The following RTL4 variants were observed in gnomAD, a reference collection of about 807,000 sequenced individuals.
RTL4 encodes retrotransposon Gag-like protein 4.
RTL4 carries 4 observed loss-of-function variants against 5.3 expected under a neutral mutation model. The ratio of observed to expected loss-of-function variants is 0.75; its 90% CI spans 0.37 to 1.72. RTL4 has a LOEUF of 1.72. Among genes scored for constraint, RTL4 ranks in the 40% most tolerant of loss-of-function variants. The probability of loss-of-function intolerance (pLI) is 0.04; values close to 1 mark genes in which losing one functional copy is unlikely to be tolerated. For missense variants in RTL4, 260 were observed against 227.1 expected (o/e 1.14, Z -0.93); for synonymous variants, 98 against 87.3 (o/e 1.12, Z -0.68).
chrX:112,151,277 A>G, the RTL4 span, among the ~76,000 whole-genome samples: 5 of 111,809 alleles, frequency 4.5e-5, no homozygotes, highest in Non-Finnish European at 9.4e-5. Context: ...TTTTGTGCAT[A>G]TATTTAAGCC....
the RTL4 span, among the ~76,000 whole-genome samples, chrX:112,212,817 T>C: frequency 8.9e-6 from 1 of 112,220 alleles, no homozygotes; most frequent in Non-Finnish European, 1.9e-5. Flanking sequence ...TCTTTCCAAG[T>C]TCAACCAAGA....
the RTL4 span, among the ~76,000 whole-genome samples, chrX:112,227,168 T>C: frequency 9.0e-6 from 1 of 110,748 alleles, no homozygotes; most frequent in African/African-American, 3.3e-5. Context: ...AGAAGTTAAG[T>C]CTTTAGTTGA....
At chrX:112,180,575 CTAGT>C in the RTL4 span, among the ~76,000 whole-genome samples, 1 of 111,792 alleles carries the variant, frequency 8.9e-6, no homozygotes, top group Non-Finnish European at 1.9e-5. Context: ...ATTTAAATAA[CTAGT>C]TAATGTGCGT....
the RTL4 span, among the ~76,000 whole-genome samples, chrX:112,182,925 G>A: frequency 2.7e-5 from 3 of 111,936 alleles, no homozygotes; most frequent in Non-Finnish European, 5.6e-5. Flanking sequence ...GAAAGGTTGG[G>A]TTATCCACAA....
At chrX:112,179,552 T>C in the RTL4 span, among the ~76,000 whole-genome samples, 1 of 111,895 alleles carries the variant, frequency 8.9e-6, no homozygotes, top group African/African-American at 3.2e-5. Context: ...GTTTCTGCTG[T>C]AGATCTTAGA....
the RTL4 span, among the ~76,000 whole-genome samples, chrX:112,220,510 C>T: frequency 4.4e-5 from 5 of 112,902 alleles, no homozygotes; most frequent in East Asian, 1.4e-3. Flanking sequence ...ACATTTTCCC[C>T]ATTATCCTGG....
the RTL4 span, among the ~76,000 whole-genome samples, chrX:112,444,454 G>A: frequency 9.0e-6 from 1 of 111,642 alleles, no homozygotes; most frequent in Admixed American, 9.5e-5. Flanking sequence ...GTAAAATTTA[G>A]GATTACTATT....
the RTL4 span, among the ~76,000 whole-genome samples, chrX:112,446,349 C>A: frequency 8.9e-6 from 1 of 111,800 alleles, no homozygotes; most frequent in African/African-American, 3.3e-5. Flanking sequence ...TTCATCCAAA[C>A]AGAACACATT....
At chrX:112,304,120 G>A in the RTL4 span, among the ~76,000 whole-genome samples, 2 of 110,619 alleles carry the variant, frequency 1.8e-5, no homozygotes, top group African/African-American at 6.7e-5. Flanking sequence ...TGATACCCAA[G>A]GAAGGCTGCC....
At chrX:112,393,704 G>A in the RTL4 span, among the ~76,000 whole-genome samples, 3 of 112,015 alleles carry the variant, frequency 2.7e-5, no homozygotes, top group African/African-American at 9.7e-5. Flanking sequence ...CAATGATGGC[G>A]GCAAACTCCC....
the RTL4 span, among the ~76,000 whole-genome samples, chrX:112,105,142 G>C: frequency 9.0e-6 from 1 of 111,614 alleles, no homozygotes; most frequent in Non-Finnish European, 1.9e-5. Context: ...ATTTATTGAA[G>C]AGACCATGCT....
At chrX:112,238,578 A>T in the RTL4 span, among the ~76,000 whole-genome samples, 5 of 112,029 alleles carry the variant, frequency 4.5e-5, no homozygotes, top group Non-Finnish European at 9.4e-5. Context: ...TAAAAATAAA[A>T]ATCTATGGAT....
the RTL4 span, among the ~76,000 whole-genome samples, chrX:112,424,848 T>C: frequency 9.1e-6 from 1 of 110,179 alleles, no homozygotes; most frequent in Non-Finnish European, 1.9e-5. Flanking sequence ...TCTGACCCCC[T>C]CGCCTCCCAC....
chrX:112,437,382 A>C, the RTL4 span, among the ~76,000 whole-genome samples: 1 of 112,194 alleles, frequency 8.9e-6, no homozygotes, highest in Non-Finnish European at 1.9e-5. Context: ...CTAATAATTT[A>C]GTTCTGTACA....
chrX:112,145,832 G>A, the RTL4 span, among the ~76,000 whole-genome samples: 1 of 111,220 alleles, frequency 9.0e-6, no homozygotes, highest in African/African-American at 3.3e-5. Context: ...AATCCCAGCA[G>A]AAGAAACAAG....
the RTL4 span, among the ~76,000 whole-genome samples, chrX:112,429,407 T>A: frequency 9.9e-5 from 11 of 111,247 alleles, no homozygotes; most frequent in South Asian, 3.7e-4. Flanking sequence ...AGTTGACTTT[T>A]AAATAACACC....
chrX:112,234,428 T>C, the RTL4 span, among the ~76,000 whole-genome samples: 1 of 110,932 alleles, frequency 9.0e-6, no homozygotes, highest in East Asian at 2.9e-4. Context: ...TAATACAAAA[T>C]AGTTGAATTT....
At chrX:112,218,450 A>C in the RTL4 span, among the ~76,000 whole-genome samples, 1 of 111,526 alleles carries the variant, frequency 9.0e-6, no homozygotes, top group Non-Finnish European at 1.9e-5. Context: ...TGAAAACACT[A>C]TTGTCCTTTA....
At chrX:112,160,908 G>A in the RTL4 span, among the ~76,000 whole-genome samples, 3,477 of 109,628 alleles carry the variant, frequency 0.032, 115 homozygotes, top group African/African-American at 0.098. Context: ...AAGGGATAAA[G>A]GTTTAGAATG....
Sources: allele counts gnomAD v4.1 joint callset (sites outside exome capture counted in the v4.1 genomes callset), GRCh38; gene constraint gnomAD v4.1.1; transcripts MANE v1.5; gene names NCBI Gene and HGNC (gene_info 2026-07-23, HGNC 2026-07-21).